Variants in MGAT4B observed in about 807,000 individuals in gnomAD.
MGAT4B encodes alpha-1,3-mannosyl-glycoprotein 4-beta-N-acetylglucosaminyltransferase B.
In MGAT4B, 38 loss-of-function variants were observed where a neutral mutation model predicts 73.9. That is an observed-to-expected ratio of 0.51 (90% CI 0.40 to 0.67). The LOEUF is 0.67. MGAT4B is among the 30% of genes least tolerant of loss of function. MGAT4B has a pLI of 0.00. For synonymous variants in MGAT4B, 373 were observed against 313.5 expected, an observed-to-expected ratio of 1.19 and a Z score of -2.01; for missense variants, 686 against 735.2, an observed-to-expected ratio of 0.93 and a Z score of 0.77.
In MGAT4B at chr5:179,801,154, G is replaced by T. The variant is rs1443952505; in HGVS notation, c.558+180C>A. On this transcript the variant is annotated intron_variant, in intron 4 of 14. Transcript: ENST00000292591. This position sits in a 1 kb window ranked among gnomAD's most constrained non-coding sequence, Gnocchi z 4.8. ...GGCCAAGGACTAGGGGGTGGCGGGG[G>T]CGATGGGTAGGGGTAGAGGGTGCCA... Among the ~76,000 whole-genome samples, 1 of 151,806 alleles carries T rather than the reference G, an allele frequency of 6.6e-6. No individual in the cohort carries two copies. The highest frequency in any genetic ancestry group is 1.5e-5 in the Non-Finnish European group (1 of 68,012).
chr5:179,802,443 T>A, intron 1 of MGAT4B: 1 of 1,079,628 alleles, frequency 9.3e-7, no homozygotes, highest in Non-Finnish European at 1.1e-6. Context: ...CTGCACTGGA[T>A]TCTTAGCCTC....
chr5:179,802,766 T>G (rs1757001747), intron 1 of MGAT4B: 2 of 985,466 alleles, frequency 2.0e-6, no homozygotes, highest in Non-Finnish European at 2.4e-6. Flanking sequence ...GCACCACCAG[T>G]CTGGCAGGGA....
chr5:179,801,602 C>T lies in MGAT4B; in HGVS notation c.376G>A (p.Glu126Lys). 6.2e-7 allele frequency: 1 copy of T among 1,607,716 alleles called. No individual in the cohort carries two copies. The highest frequency in any genetic ancestry group is 8.5e-7 in the Non-Finnish European group (1 of 1,178,128). Residue 126 changes from glutamate (E) to lysine (K), a missense_variant, in exon 3 of 15, where the codon GAG becomes AAG. By Grantham distance (56) the Glu-to-Lys change is moderately conservative. Transcript: ENST00000292591. This position sits in a 1 kb window ranked among gnomAD's most constrained non-coding sequence, Gnocchi z 4.8. ...CGCACCGCGGGCTGCAGACTGCTCT[C>T]CTTGGCCAGCAGGTGTGGCAGGTGA... ...FHHLPHLLAK[E>K]SSLQPAVRVG...
chr5:179,798,077 G>A lies in MGAT4B; in HGVS notation c.1624-9C>T, dbSNP rs1291395408. ...GCCTTTTTCAGGAAGATCTGGAAGA[G>A]CCGGACCCAGGGTCAGCAGGGCCTC... is the stretch of plus-strand genomic sequence containing the variant. On this transcript the variant is annotated splice_polypyrimidine_tract_variant and intron_variant, in intron 14 of 14. Coordinates refer to ENST00000292591, the MANE Select transcript of MGAT4B (RefSeq NM_014275.5). 5.0e-6 allele frequency: 8 copies of A among 1,608,532 alleles called. No homozygotes were observed. The highest frequency in any genetic ancestry group is 1.6e-4 in the Middle Eastern group (1 of 6,078).
Position 179,800,486 on chromosome 5 carries a change from G to A in MGAT4B, c.717C>T (p.Val239=). The change falls in exon 6 of 15, where the codon GTC becomes GTT. Residue 239 remains valine (V), a splice_region_variant and synonymous_variant. Transcript: ENST00000292591. ...GGGTATGGGGGAGTAACTAGTACCT[G>A]ACTCTCTCCTTGGGGTCCCCAAAGG... ...RESFGDPKER[V]RWRTKQNLDY... 6.3e-7 allele frequency: 1 copy of A among 1,597,308 alleles called. No individual in the cohort carries two copies.
chr5:179,799,731 CT>C, intron 8 of MGAT4B, 95 bp from the exon 9 acceptor site: 1 of 1,574,564 alleles, frequency 6.4e-7, no homozygotes, highest in Admixed American at 1.7e-5. Flanking sequence ...CAGGGGCAGG[CT>C]TCAGGCAGGT....
In MGAT4B at chr5:179,801,278, C is replaced by T. The variant is rs1050004426; in HGVS notation, c.558+56G>A. 21 of 1,557,516 alleles carry T rather than the reference C, an allele frequency of 1.3e-5. No individual in the cohort carries two copies. Among genetic ancestry groups the T allele is most frequent in the Non-Finnish European group, 7.0e-6 (8 of 1,148,622 alleles). ...CTCGGAATGGTTCCTGCTGTCAGTT[C>T]TGCACCGCGGGGGCTCCTCTGAATG... On this transcript the variant is annotated intron_variant, in intron 4 of 14. Transcript: ENST00000292591. This position sits in a 1 kb window ranked among gnomAD's most constrained non-coding sequence, Gnocchi z 4.8.
chr5:179,802,677 G>A (rs987550035), intron 1 of MGAT4B: 5 of 986,336 alleles, frequency 5.1e-6, no homozygotes, highest in South Asian at 4.7e-5. Flanking sequence ...GCCCCTGTCA[G>A]AACCTCCAGC....
chr5:179,798,797 G>C, intron 11 of MGAT4B, 131 bp downstream of exon 11: 1 of 1,180,640 alleles, frequency 8.5e-7, no homozygotes, highest in Non-Finnish European at 1.2e-6. Flanking sequence ...GTCCTCACAA[G>C]GTAGCTACCA....
rs779173423 is a variant in MGAT4B at position 179,801,441 on chromosome 5, C to G, written c.451G>C (p.Val151Leu). ...GVSVVMGIPSVRREVHSYLTD... is the reference protein window; with the variant it reads ...GVSVVMGIPSLRREVHSYLTD... Reference sequence around the variant, plus strand: ...AGGTACGAGTGCACCTCGCGCCGCACGCTCGGGATGCCCATCACCACCGAC... The same window carrying G: ...AGGTACGAGTGCACCTCGCGCCGCAGGCTCGGGATGCCCATCACCACCGAC... Residue 151 changes from valine to leucine, a missense_variant, in exon 4 of 15, where the codon GTG becomes CTG. Transcript: ENST00000292591. The surrounding 1 kb of genome is among the most constrained non-coding windows in gnomAD (Gnocchi z 4.8). 6.2e-7 allele frequency: 1 copy of G among 1,609,038 alleles called. No individual in the cohort carries two copies. The highest frequency in any genetic ancestry group is 8.5e-7 in the Non-Finnish European group (1 of 1,177,042).
At chr5:179,799,929 C>T (rs1756831574) in intron 8 of MGAT4B, 25 bp downstream of exon 8, 1 of 1,587,148 alleles carries the variant, frequency 6.3e-7, no homozygotes, top group South Asian at 1.1e-5. Flanking sequence ...CTGAAAGGCA[C>T]CGTCAGGTAA....
At chr5:179,805,312 C>A (rs1757099471) in intron 1 of MGAT4B, 1 of 152,322 alleles carries the variant, frequency 6.6e-6, no homozygotes, top group East Asian at 1.9e-4. Context: ...TTTATAGTCA[C>A]CCTGCCAAGG....
At chr5:179,803,412 C>T (rs979282604) in intron 1 of MGAT4B, 1 of 332,660 alleles carries the variant, frequency 3.0e-6, no homozygotes, top group African/African-American at 2.2e-5. Flanking sequence ...CCAGGGCTCA[C>T]CCATTGCTGG....
intron 7 of MGAT4B, 48 bp downstream of exon 7, chr5:179,800,136 G>A (rs765586274): frequency 6.2e-7 from 1 of 1,609,982 alleles, no homozygotes; most frequent in South Asian, 1.1e-5. Flanking sequence ...CCATCGCAGG[G>A]CAGGGCGGCG....
chr5:179,802,860 G>A, intron 1 of MGAT4B: 1 of 985,490 alleles, frequency 1.0e-6, no homozygotes, highest in Non-Finnish European at 1.2e-6. Flanking sequence ...GCCTCTGCCA[G>A]GCGAGTCTCT....
intron 5 of MGAT4B, 109 bp downstream of exon 5, chr5:179,800,798 C>A: frequency 7.8e-7 from 1 of 1,288,012 alleles, no homozygotes; most frequent in South Asian, 1.2e-5. Context: ...GTCCCTGCCT[C>A]CCCACGAGAT....
intron 11 of MGAT4B, 127 bp from the exon 12 acceptor site, chr5:179,798,718 G>C (rs1756767110): frequency 3.4e-6 from 4 of 1,183,988 alleles, no homozygotes; most frequent in Non-Finnish European, 3.6e-6. Flanking sequence ...TGTGCAAAGA[G>C]ACCAGGGCCT....
chr5:179,803,439 G>A (rs1462300354), intron 1 of MGAT4B: 2 of 204,082 alleles, frequency 9.8e-6, no homozygotes, highest in African/African-American at 4.7e-5. Context: ...CCAGGTGTAG[G>A]CAGCACTCGC....
rs751722147 is a variant in MGAT4B at position 179,801,642 on chromosome 5, C to T, written c.336G>A (p.Leu112=). The T allele has an allele frequency of 6.8e-6, 11 of 1,606,358 alleles. No homozygotes were observed. In the Admixed American group the frequency reaches 1.9e-4, roughly 27 times the overall value. Residue 112 remains leucine (L), a synonymous_variant, in exon 3 of 15, where the codon CTG becomes CTA. Transcript: ENST00000292591. This position sits in a 1 kb window ranked among gnomAD's most constrained non-coding sequence, Gnocchi z 4.8. The part of the protein sequence containing the change: ...WNGSHRHVLH[L]PTVFHHLPHL... ...GTGGCAGGTGATGGAAGACGGTGGGCAGGTGCAGCACGTGCCGGTGTGAGC... is the reference window on the plus strand; with the variant it reads ...GTGGCAGGTGATGGAAGACGGTGGGTAGGTGCAGCACGTGCCGGTGTGAGC...
Sources: gnomAD v4.1 joint callset for allele counts (sites outside exome capture counted in the v4.1 genomes callset) on GRCh38, gnomAD v4.1.1 for gene constraint, Gnocchi (gnomAD v3.1) non-coding constraint, MANE v1.5 for transcripts, NCBI Gene and HGNC (gene_info 2026-07-23, HGNC 2026-07-21) for gene names.